GTF3C6: variants seen among roughly 807,000 people sequenced by gnomAD.
GTF3C6 encodes the protein general transcription factor 3C polypeptide 6.
A neutral mutation model predicts 19.2 loss-of-function variants in GTF3C6; 11 were observed. The ratio of observed to expected loss-of-function variants is 0.57; its 90% CI spans 0.36 to 0.95. GTF3C6 has a LOEUF of 0.95. GTF3C6 is among the 40% of genes least tolerant of loss of function. The pLI is 0.01. For synonymous variants in GTF3C6, 87 were observed against 84.2 expected, an observed-to-expected ratio of 1.03 and a Z score of -0.18; for missense variants, 222 against 254.7, an observed-to-expected ratio of 0.87 and a Z score of 0.87.
chr6:110,961,974 C>G (rs1771167048), intron 4 of GTF3C6, among the ~76,000 whole-genome samples: 1 of 151,876 alleles, frequency 6.6e-6, no homozygotes, highest in Non-Finnish European at 1.5e-5. Context: ...ACAATCTCTG[C>G]TCACTGCAAC....
intron 4 of GTF3C6, among the ~76,000 whole-genome samples, chr6:110,961,144 ACT>A (rs1186460614): frequency 6.8e-6 from 1 of 146,916 alleles, no homozygotes; most frequent in Non-Finnish European, 1.5e-5. Context: ...AGAGATGATC[ACT>A]CTCCTGAATT....
At chr6:110,959,791 C>T (rs1419974043) in intron 2 of GTF3C6, among the ~76,000 whole-genome samples, 1 of 151,998 alleles carries the variant, frequency 6.6e-6, no homozygotes, top group Non-Finnish European at 1.5e-5. Context: ...AACCCCGTCT[C>T]TACTGAAATA....
chr6:110,967,381 A>G, intron 5 of GTF3C6, 129 bp from the exon 6 acceptor site: 1 of 784,222 alleles, frequency 1.3e-6, no homozygotes, highest in Non-Finnish European at 2.0e-6. Context: ...CAGACACCAT[A>G]TTCCTTGGTT....
At chr6:110,959,356 C>A in intron 2 of GTF3C6, 104 bp downstream of exon 2, 1 of 726,730 alleles carries the variant, frequency 1.4e-6, no homozygotes, top group South Asian at 1.6e-5. Context: ...TTTATTTCAC[C>A]TTACAAAGTA....
Position 110,958,797 on chromosome 6 carries a change from C to T in GTF3C6, c.28C>T (p.Pro10Ser). Residue 10 changes from proline (P) to serine (S), a missense_variant, in exon 1 of 6, where the codon CCA becomes TCA. Coordinates refer to ENST00000329970, the MANE Select transcript of GTF3C6 (RefSeq NM_138408.4). ...GGCGGCGGCGGCGGACGAGCGGAGT[C>T]CAGAGGACGGAGAAGACGAGGAAGA... MAAAADERSPEDGEDEEEEE... is the reference protein window; with the variant it reads MAAAADERSSEDGEDEEEEE... 2 of 1,551,156 alleles carry T rather than the reference C, an allele frequency of 1.3e-6. No individual in the cohort carries two copies. The highest frequency in any genetic ancestry group is 1.7e-6 in the Non-Finnish European group (2 of 1,146,986).
chr6:110,964,923 C>T (rs1250839841), intron 5 of GTF3C6, among the ~76,000 whole-genome samples: 1 of 151,280 alleles, frequency 6.6e-6, no homozygotes, highest in Non-Finnish European at 1.5e-5. Context: ...ACCTCCGCCT[C>T]CTGGGTTGAA....
At position 110,967,872 on chromosome 6, in the gene GTF3C6, A is replaced by C; in HGVS notation, c.*82A>C. On this transcript the variant is annotated 3_prime_UTR_variant, in exon 6 of 6. Transcript: ENST00000329970. ...TGTTACATAAAAATAATTGCTGTGT[A>C]GCTTTCAGTCTTTTAATATTTTATT... The C allele has an allele frequency of 8.4e-7, 1 of 1,197,164 alleles. No homozygotes were observed. The highest frequency in any genetic ancestry group is 1.2e-6 in the Non-Finnish European group (1 of 844,998). The allele number at this position is 1,197,164 out of a possible 1,614,324, so 74.2% of individuals were successfully genotyped here.
intron 5 of GTF3C6, among the ~76,000 whole-genome samples, chr6:110,963,130 C>T (rs1303955181): frequency 6.6e-6 from 1 of 152,062 alleles, no homozygotes; most frequent in African/African-American, 2.4e-5. Context: ...GTTGGCCAGG[C>T]TGGTCTTAAA....
At position 110,967,665 on chromosome 6, in the gene GTF3C6, A is replaced by C. The variant is rs1270242995; in HGVS notation, c.517A>C (p.Ser173Arg). The C allele has an allele frequency of 1.9e-6, 3 of 1,614,140 alleles. No homozygotes were observed. The East Asian group carries it at 6.7e-5, about 36-fold the overall frequency. Reference sequence around the variant, plus strand: ...AGAGGAAGAGATTCAAATGAACGACAGTTCAAACCTGAGTTGTGAACAGGA... The same window carrying C: ...AGAGGAAGAGATTCAAATGAACGACCGTTCAAACCTGAGTTGTGAACAGGA... ...LEEEEIQMND[S>R]SNLSCEQEKP... Residue 173 changes from serine to arginine, a missense_variant, in exon 6 of 6, where the codon AGT becomes CGT. Transcript: ENST00000329970.
In GTF3C6 at chr6:110,959,223, T is replaced by G; in HGVS notation, c.109T>G (p.Ser37Ala). 1 of 1,612,084 alleles carries G rather than the reference T, an allele frequency of 6.2e-7. No individual in the cohort carries two copies. The change falls in exon 2 of 6, where the codon TCA becomes GCA. Residue 37 changes from serine (S) to alanine (A), a missense_variant. Physicochemically the swap from Ser to Ala is moderately conservative, Grantham distance 99. Coordinates refer to ENST00000329970, the MANE Select transcript of GTF3C6 (RefSeq NM_138408.4). ...LSGIIDSDFL[S>A]KCENKCKVLG... is the part of the protein sequence containing the mutation. ...AGGAATTATTGATTCAGACTTCCTC[T>G]CAAAATGTGAAAATAAATGCAAGGT...
At chr6:110,965,430 A>G (rs1047413302) in intron 5 of GTF3C6, among the ~76,000 whole-genome samples, 2 of 144,396 alleles carry the variant, frequency 1.4e-5, no homozygotes, top group African/African-American at 5.3e-5. Context: ...ACTCTAGTAA[A>G]TAAGATTCTC....
At chr6:110,961,833 A>C (rs1448113963) in intron 4 of GTF3C6, among the ~76,000 whole-genome samples, 1 of 152,078 alleles carries the variant, frequency 6.6e-6, no homozygotes, top group African/African-American at 2.4e-5. Context: ...AATCTCACTC[A>C]TAACTCTGTG....
intron 5 of GTF3C6, among the ~76,000 whole-genome samples, chr6:110,965,502 T>C (rs1230749030): frequency 1.3e-5 from 2 of 152,220 alleles, no homozygotes; most frequent in African/African-American, 4.8e-5. Flanking sequence ...ATAAAATTAA[T>C]TGTATCATCT....
chr6:110,967,440 T>C, intron 5 of GTF3C6, 70 bp from the exon 6 acceptor site: 1 of 1,392,012 alleles, frequency 7.2e-7, no homozygotes, highest in Non-Finnish European at 9.7e-7. Flanking sequence ...GAAATTTAAA[T>C]TAAAGAAAAA....
chr6:110,958,843 CA>C lies in GTF3C6; in HGVS notation c.57+21del, dbSNP rs1307934172. 6.5e-7 allele frequency: 1 copy of C among 1,550,334 alleles called. No individual in the cohort carries two copies. The highest frequency in any genetic ancestry group is 2.0e-5 in the Admixed American group (1 of 50,898). Reference sequence around the variant, plus strand: ...GAAGAGGAGGTAGTAAGCGCTACGCCAAAAGCCTGCACCGCAGTGGCGGTGA... The same window carrying C: ...GAAGAGGAGGTAGTAAGCGCTACGCCAAAGCCTGCACCGCAGTGGCGGTGA... On this transcript the variant is annotated intron_variant, in intron 1 of 5. Transcript: ENST00000329970.
chr6:110,963,582 A>G (rs1239901478), intron 5 of GTF3C6, among the ~76,000 whole-genome samples: 2 of 152,114 alleles, frequency 1.3e-5, no homozygotes, highest in African/African-American at 4.8e-5. Flanking sequence ...TGGGGGGAAA[A>G]AACTTCCTTG....
At chr6:110,963,946 C>G (rs1007488531) in intron 5 of GTF3C6, among the ~76,000 whole-genome samples, 4 of 152,170 alleles carry the variant, frequency 2.6e-5, no homozygotes, top group African/African-American at 4.8e-5. Flanking sequence ...AGATGATCAA[C>G]CTGCCTCGGC....
intron 5 of GTF3C6, among the ~76,000 whole-genome samples, 199 bp downstream of exon 5, chr6:110,962,704 G>C (rs1438310482): frequency 6.6e-6 from 1 of 152,152 alleles, no homozygotes; most frequent in East Asian, 1.9e-4. Context: ...CTGGGCTCAA[G>C]CAATTCTCTT....
chr6:110,967,738 T>A lies in GTF3C6; in HGVS notation c.590T>A (p.Ile197Lys). 6.2e-7 allele frequency: 1 copy of A among 1,613,550 alleles called. No homozygotes were observed. Among genetic ancestry groups the A allele is most frequent in the South Asian group, 1.1e-5 (1 of 90,964 alleles). ...GAAGATTCTGGTCCTCTTATTGATA[T>A]ACCTTCTGAGACAGAAGGTTCTGTT... ...EIEDSGPLID[I>K]PSETEGSVFM... The change falls in exon 6 of 6, where the codon ATA (isoleucine) becomes AAA (lysine). Residue 197 changes from isoleucine to lysine, a missense_variant. Physicochemically the swap from Ile to Lys is moderately radical, Grantham distance 102 (BLOSUM62 -3). Coordinates refer to ENST00000329970, the MANE Select transcript of GTF3C6 (RefSeq NM_138408.4).
Sources: allele counts gnomAD v4.1 joint callset (sites outside exome capture counted in the v4.1 genomes callset), GRCh38; gene constraint gnomAD v4.1.1; transcripts MANE v1.5; gene names NCBI Gene and HGNC (gene_info 2026-07-23, HGNC 2026-07-21).